The following MOSMO variants were observed in gnomAD, a reference collection of about 807,000 sequenced individuals.
The protein encoded by MOSMO is modulator of smoothened protein.
In MOSMO, 5 loss-of-function variants were observed where a neutral mutation model predicts 18.4. The ratio of observed to expected loss-of-function variants is 0.27; its 90% CI spans 0.14 to 0.57. The LOEUF is 0.57. MOSMO is among the 20% of genes least tolerant of loss of function. The probability of loss-of-function intolerance (pLI) is 0.92; values close to 1 mark genes in which losing one functional copy is unlikely to be tolerated. For synonymous variants in MOSMO, 82 were observed against 82.3 expected (o/e 1.00, Z 0.02); for missense variants, 138 against 211.8 (o/e 0.65, Z 2.16).
At chr16:22,087,768 C>CAA, downstream of MOSMO, among the ~76,000 whole-genome samples, 1 of 152,258 alleles carries the variant, frequency 6.6e-6, no homozygotes, top group South Asian at 2.1e-4. Context: ...TTTCTGCCTT[C>CAA]AGGGTTATCA....
chr16:22,026,890 G>T (rs1899887742), intron 1 of MOSMO, among the ~76,000 whole-genome samples: 1 of 152,070 alleles, frequency 6.6e-6, no homozygotes, highest in Admixed American at 6.5e-5. Flanking sequence ...TTTAGCTCTT[G>T]CTTAAAGTAT....
chr16:22,079,314 G>C (rs1170108843), intron 2 of MOSMO, among the ~76,000 whole-genome samples: 1 of 152,180 alleles, frequency 6.6e-6, no homozygotes, highest in Non-Finnish European at 1.5e-5. Flanking sequence ...ACAGTGCCTA[G>C]TAATCTGTCC....
chr16:22,025,441 C>T (rs567309116), intron 1 of MOSMO, among the ~76,000 whole-genome samples: 40 of 152,228 alleles, frequency 2.6e-4, no homozygotes, highest in African/African-American at 9.6e-4. Flanking sequence ...CATATAAATT[C>T]TAGTCCATGG....
At chr16:22,051,767 GTGAC>G (rs1900432375) in intron 1 of MOSMO, among the ~76,000 whole-genome samples, 1 of 152,206 alleles carries the variant, frequency 6.6e-6, no homozygotes, top group Admixed American at 6.5e-5. Flanking sequence ...GCCCCGGCTT[GTGAC>G]TGACTGGTGT....
intron 1 of MOSMO, among the ~76,000 whole-genome samples, chr16:22,032,195 T>TC (rs1410861076): frequency 2.0e-5 from 3 of 150,680 alleles, no homozygotes; most frequent in East Asian, 3.9e-4. Flanking sequence ...TTTCTTTTTT[T>TC]TTTTTTTTTT....
chr16:22,015,521 TG>T lies in MOSMO; in HGVS notation c.106+7115del, dbSNP rs1190666298. Among the ~76,000 whole-genome samples the T allele has an allele frequency of 2.6e-5, 4 of 152,204 alleles. No homozygotes were observed. The East Asian group carries it at 5.8e-4, about 22-fold the overall frequency. On this transcript the variant is annotated intron_variant, in intron 1 of 2. Coordinates refer to ENST00000542527, the MANE Select transcript of MOSMO (RefSeq NM_001164579.2). ...TCTATGAAGATAAAGTGATTAAAGA[TG>T]TTTTTTAAATGTGATTTTTTAAAAA...
chr16:22,014,218 C>T (rs561805132), intron 1 of MOSMO, among the ~76,000 whole-genome samples: 1 of 152,198 alleles, frequency 6.6e-6, no homozygotes, highest in East Asian at 1.9e-4. Context: ...GAAGTCAGTC[C>T]TTGTGACCTG....
intron 1 of MOSMO, among the ~76,000 whole-genome samples, chr16:22,061,574 A>T (rs1295633407): frequency 1.3e-5 from 2 of 152,190 alleles, no homozygotes; most frequent in Admixed American, 1.3e-4. Flanking sequence ...TCATGTCTTC[A>T]TGTGTCCTTC....
At chr16:22,087,304 G>C (rs935388946), downstream of MOSMO, 1 of 152,142 alleles carries the variant, frequency 6.6e-6, no homozygotes, top group African/African-American at 2.4e-5. Flanking sequence ...TCGAGGATTT[G>C]ATCTCATTTT....
chr16:22,024,692 AT>A (rs1435367507), intron 1 of MOSMO, among the ~76,000 whole-genome samples: 1 of 152,154 alleles, frequency 6.6e-6, no homozygotes, highest in East Asian at 1.9e-4. Context: ...TGGGAAAGTT[AT>A]GATACAATAA....
At chr16:22,019,490 T>C (rs1379992937) in intron 1 of MOSMO, among the ~76,000 whole-genome samples, 2 of 152,232 alleles carry the variant, frequency 1.3e-5, no homozygotes, top group Admixed American at 1.3e-4. Flanking sequence ...AGCATATCTG[T>C]GTCATGGTTA....
chr16:22,049,213 A>G lies in MOSMO; in HGVS notation c.107-26274A>G, dbSNP rs543890961. ...AGTTTTCTTGGTTTGCTTTAAAAAA[A>G]CAAACAAACCAGGTTCTCATTCTGT... On this transcript the variant is annotated intron_variant, in intron 1 of 2. Transcript: ENST00000542527. 1.4e-5 allele frequency among the ~76,000 whole-genome samples: 2 copies of G among 145,106 alleles called. 1 individual carries two copies. The highest frequency in any genetic ancestry group is 4.5e-4 in the South Asian group (2 of 4,416).
chr16:22,040,565 A>G (rs2142002574), intron 1 of MOSMO, among the ~76,000 whole-genome samples: 2 of 152,332 alleles, frequency 1.3e-5, no homozygotes, highest in African/African-American at 4.8e-5. Flanking sequence ...ACTTTTTATG[A>G]CCAGATTTAG....
intron 1 of MOSMO, among the ~76,000 whole-genome samples, chr16:22,042,635 G>A (rs1900230935): frequency 6.6e-6 from 1 of 152,146 alleles, no homozygotes; most frequent in Non-Finnish European, 1.5e-5. Flanking sequence ...CCTGTTGGAG[G>A]TATATATTTT....
In MOSMO at chr16:22,008,150, GGGCGCGCGGAGGGCGCGAGC is replaced by G. The variant is rs1158763241; in HGVS notation, c.-142_-123del. 5.1e-4 allele frequency: 81 copies of G among 158,918 alleles called. No homozygotes were observed. Among genetic ancestry groups the G allele is most frequent in the East Asian group, 3.7e-3 (19 of 5,112 alleles). 9.8% of individuals were successfully genotyped at this position (158,918 alleles called of 1,614,324 possible). A position where few individuals can be genotyped will look rare whatever the true frequency, so the allele number is the denominator to read the frequency against. ...GGGCCGCGCCGCGGCTGCTGGTCCCGGGCGCGCGGAGGGCGCGAGCGGCGCGCGGGGGCCGAGGGGGCGCG... is the reference window on the plus strand; with the variant it reads ...GGGCCGCGCCGCGGCTGCTGGTCCCGGGCGCGCGGGGGCCGAGGGGGCGCG... On this transcript the variant is annotated 5_prime_UTR_variant, in exon 1 of 3. Coordinates refer to ENST00000542527, the MANE Select transcript of MOSMO (RefSeq NM_001164579.2).
intron 1 of MOSMO, among the ~76,000 whole-genome samples, chr16:22,053,802 CA>C (rs1000581821): frequency 6.7e-6 from 1 of 149,234 alleles, no homozygotes; most frequent in Non-Finnish European, 1.5e-5. Flanking sequence ...GACTCCGTCT[CA>C]AAAAAAAAGA....
intron 1 of MOSMO, 69 bp downstream of exon 1, chr16:22,008,476 A>C (rs1238570031): frequency 1.5e-5 from 15 of 1,019,502 alleles, no homozygotes; most frequent in Non-Finnish European, 1.9e-5. Flanking sequence ...GGAGACCCGG[A>C]CTGAGGAGAG....
At chr16:22,051,609 C>T (rs1477088740) in intron 1 of MOSMO, among the ~76,000 whole-genome samples, 1 of 152,154 alleles carries the variant, frequency 6.6e-6, no homozygotes. Context: ...ATCTCTTCAT[C>T]TATATCCTTT....
At chr16:22,084,856 C>T (rs780749439), downstream of MOSMO, among the ~76,000 whole-genome samples, 3 of 152,032 alleles carry the variant, frequency 2.0e-5, no homozygotes, top group Non-Finnish European at 2.9e-5. Context: ...TATTCCAGGA[C>T]GTGGATTAGG....
Sources: allele counts gnomAD v4.1 joint callset (sites outside exome capture counted in the v4.1 genomes callset), GRCh38; gene constraint gnomAD v4.1.1; transcripts MANE v1.5; gene names NCBI Gene and HGNC (gene_info 2026-07-23, HGNC 2026-07-21).